The following SLC5A1 variants were observed in gnomAD, a reference collection of about 807,000 sequenced individuals.
SLC5A1 encodes the protein sodium/glucose cotransporter 1.
In SLC5A1, 42 loss-of-function variants were observed where a neutral mutation model predicts 73.5. The ratio of observed to expected loss-of-function variants is 0.57; its 90% confidence interval spans 0.45 to 0.74. The LOEUF (loss-of-function observed/expected upper bound fraction) is 0.74. Among genes scored for constraint, SLC5A1 ranks in the 30% least tolerant of loss-of-function variants. The pLI is 0.00. For synonymous variants in SLC5A1, 300 were observed against 317.4 expected (o/e 0.95, Z 0.58); for missense variants, 634 against 855.4 (o/e 0.74, Z 3.23).
At chr22:32,055,199 C>A (rs2093949993) in intron 2 of SLC5A1, among the ~76,000 whole-genome samples, 1 of 152,080 alleles carries the variant, frequency 6.6e-6, no homozygotes, top group African/African-American at 2.4e-5. Context: ...GAGAGAAGTT[C>A]ATGAAGGTAA....
At chr22:32,069,560 A>T (rs958952480) in intron 5 of SLC5A1, among the ~76,000 whole-genome samples, 1 of 152,190 alleles carries the variant, frequency 6.6e-6, no homozygotes, top group Non-Finnish European at 1.5e-5. Flanking sequence ...CACAAAAAAG[A>T]TAAGTATTTG....
intron 9 of SLC5A1, among the ~76,000 whole-genome samples, chr22:32,085,366 T>C (rs2094006447): frequency 6.6e-6 from 1 of 152,028 alleles, no homozygotes; most frequent in African/African-American, 2.4e-5. Flanking sequence ...CCTCAAGTGA[T>C]CCTCCTGCCT....
At chr22:32,061,532 G>A (rs2093963019) in intron 2 of SLC5A1, among the ~76,000 whole-genome samples, 2 of 152,322 alleles carry the variant, frequency 1.3e-5, no homozygotes, top group East Asian at 1.9e-4. Context: ...ACCCTGGAGG[G>A]ACTAAAGTAA....
At position 32,081,885 on chromosome 22, in the gene SLC5A1, C is replaced by A. The variant is rs1400713352; in HGVS notation, c.497C>A (p.Ala166Asp). Reference protein sequence around the residue: ...TKISADIFSGAIFINLALGLN... With the variant: ...TKISADIFSGDIFINLALGLN... ...TTCCAGGCAGACATCTTCTCGGGGG[C>A]CATATTCATCAATCTGGCCTTAGGC... The change falls in exon 6 of 15, where the codon GCC becomes GAC. Residue 166 changes from alanine (A) to aspartate (D), a missense_variant. Physicochemically the swap from Ala to Asp is moderately radical, Grantham distance 126. Coordinates refer to ENST00000266088, the MANE Select transcript of SLC5A1 (RefSeq NM_000343.4). The A allele has an allele frequency of 5.0e-6, 8 of 1,612,932 alleles. No homozygotes were observed. The highest frequency in any genetic ancestry group is 6.8e-6 in the Non-Finnish European group (8 of 1,179,298).
intron 9 of SLC5A1, 42 bp from the exon 10 acceptor site, chr22:32,086,178 C>T (rs375446709): frequency 1.6e-6 from 2 of 1,221,890 alleles, no homozygotes; most frequent in African/African-American, 1.5e-5. Flanking sequence ...GAAATATTTC[C>T]CCAATGTCTG....
chr22:32,066,874 C>A, intron 2 of SLC5A1, 61 bp from the exon 3 acceptor site: 1 of 1,167,340 alleles, frequency 8.6e-7, no homozygotes, highest in Non-Finnish European at 1.3e-6. Context: ...CTCTCTTTGA[C>A]CCACTCTGAG....
intron 2 of SLC5A1, among the ~76,000 whole-genome samples, chr22:32,061,721 A>G (rs1430522021): frequency 6.6e-6 from 1 of 152,228 alleles, no homozygotes; most frequent in Admixed American, 6.5e-5. Context: ...CCGTACTGCC[A>G]AGAACTCATG....
At chr22:32,107,944 C>G (rs183756927) in intron 14 of SLC5A1, among the ~76,000 whole-genome samples, 1 of 152,048 alleles carries the variant, frequency 6.6e-6, no homozygotes, top group East Asian at 1.9e-4. Flanking sequence ...CCACCATCAT[C>G]GATAATGATA....
chr22:32,082,036 A>C, intron 6 of SLC5A1, 65 bp downstream of exon 6: 1 of 1,014,706 alleles, frequency 9.9e-7, no homozygotes, highest in Non-Finnish European at 1.6e-6. Context: ...GTGAAGGATA[A>C]AGGGAAGTAG....
chr22:32,083,006 G>A, intron 6 of SLC5A1, 68 bp from the exon 7 acceptor site: 3 of 1,412,036 alleles, frequency 2.1e-6, no homozygotes, highest in Non-Finnish European at 3.0e-6. Context: ...GTGGAGAGTG[G>A]GGAAGGAAGC....
At position 32,043,488 on chromosome 22, in the gene SLC5A1, C is replaced by A; in HGVS notation, c.135+72C>A. On this transcript the variant is annotated intron_variant, in intron 1 of 14. Coordinates refer to ENST00000266088, the MANE Select transcript of SLC5A1 (RefSeq NM_000343.4). This position sits in a 1 kb window ranked among gnomAD's most constrained non-coding sequence, Gnocchi z 6.5. ...GAGGAGCAATGGCCTCGCTGAGCTG[C>A]AAGGGGCAGTAGGCTTAAGTGTCGG... The A allele has an allele frequency of 1.3e-6, 2 of 1,527,462 alleles. No individual in the cohort carries two copies. Among genetic ancestry groups the A allele is most frequent in the Non-Finnish European group, 1.8e-6 (2 of 1,109,166 alleles). The allele number at this position is 1,527,462 out of a possible 1,614,324, so 94.6% of individuals were successfully genotyped here.
intron 11 of SLC5A1, among the ~76,000 whole-genome samples, chr22:32,098,148 A>C (rs2094029404): frequency 1.3e-5 from 2 of 152,242 alleles, no homozygotes; most frequent in African/African-American, 4.8e-5. Flanking sequence ...AGTTTCTCAT[A>C]AAGTTGGATG....
At chr22:32,083,020 TAGAC>T in intron 6 of SLC5A1, 50 bp from the exon 7 acceptor site, 1 of 1,519,590 alleles carries the variant, frequency 6.6e-7, no homozygotes, top group Non-Finnish European at 9.1e-7. Context: ...AGGAAGCAAG[TAGAC>T]AGGTCACCCT....
At chr22:32,098,046 C>G (rs2094029208) in intron 11 of SLC5A1, among the ~76,000 whole-genome samples, 1 of 152,104 alleles carries the variant, frequency 6.6e-6, no homozygotes, top group African/African-American at 2.4e-5. Context: ...AGATTGATAT[C>G]AAATGTTGGT....
chr22:32,068,478 C>T lies in SLC5A1; in HGVS notation c.373-18C>T, dbSNP rs979236456. On this transcript the variant is annotated intron_variant, in intron 4 of 14. Transcript: ENST00000266088. ...TGGTCACTGTGGCTGGCAGTGACCT[C>T]CCTCGCACCCCATGCAGGTGGTGAC... is the stretch of plus-strand genomic sequence containing the variant. The T allele has an allele frequency of 6.4e-7, 1 of 1,570,610 alleles. No homozygotes were observed. Among genetic ancestry groups the T allele is most frequent in the East Asian group, 2.2e-5 (1 of 44,700 alleles).
At chr22:32,073,879 T>C (rs2093986719) in intron 5 of SLC5A1, among the ~76,000 whole-genome samples, 1 of 152,180 alleles carries the variant, frequency 6.6e-6, no homozygotes, top group African/African-American at 2.4e-5. Context: ...TTTTTAGTTA[T>C]AAGATGAAAG....
chr22:32,047,027 T>TA (rs575252570), intron 1 of SLC5A1, among the ~76,000 whole-genome samples: 8 of 151,814 alleles, frequency 5.3e-5, no homozygotes, highest in Admixed American at 2.0e-4. Flanking sequence ...TAACACAAAG[T>TA]AAAAAAAAAT....
At chr22:32,058,003 C>A (rs1451599414) in intron 2 of SLC5A1, among the ~76,000 whole-genome samples, 1 of 152,138 alleles carries the variant, frequency 6.6e-6, no homozygotes, top group Non-Finnish European at 1.5e-5. Flanking sequence ...ATTATACAAA[C>A]CCCTTGTGAA....
intron 10 of SLC5A1, among the ~76,000 whole-genome samples, chr22:32,087,787 T>C (rs577023023): frequency 1.3e-5 from 2 of 152,256 alleles, no homozygotes; most frequent in Middle Eastern, 3.4e-3. Context: ...AATAAACCTA[T>C]AAAATTGTAT....
Sources: gnomAD v4.1 joint callset for allele counts (sites outside exome capture counted in the v4.1 genomes callset) on GRCh38, gnomAD v4.1.1 for gene constraint, Gnocchi (gnomAD v3.1) non-coding constraint, MANE v1.5 for transcripts, NCBI Gene and HGNC (gene_info 2026-07-23, HGNC 2026-07-21) for gene names.